Variants in LRTM3 observed in about 807,000 individuals in gnomAD.
The protein encoded by LRTM3 is leucine rich repeat transmembrane protein 3, also known as leucine-rich repeat transmembrane protein 3.
At chr13:102,740,677 T>C in the LRTM3 span, 1 of 1,548,068 alleles carries the variant, frequency 6.5e-7, no homozygotes, top group Middle Eastern at 1.7e-4. Context: ...GTTGCATAGA[T>C]GCATTGAACT....
At chr13:102,746,922 G>T in the LRTM3 span, 2 of 1,551,184 alleles carry the variant, frequency 1.3e-6, no homozygotes, top group East Asian at 4.9e-5. Context: ...TTCTCAGCAT[G>T]AGATAGTTCC....
the LRTM3 span, chr13:102,740,069 A>G: frequency 6.5e-7 from 1 of 1,549,988 alleles, no homozygotes; most frequent in African/African-American, 1.4e-5. Context: ...GGATGCAGAA[A>G]GAGAATGTAA....
the LRTM3 span, among the ~76,000 whole-genome samples, chr13:102,757,418 C>G: frequency 2.0e-5 from 3 of 152,150 alleles, no homozygotes; most frequent in Non-Finnish European, 4.4e-5. Flanking sequence ...TGTGTAACCA[C>G]CAGTAGTGGT....
chr13:102,735,744 C>T, the LRTM3 span: 107 of 1,546,980 alleles, frequency 6.9e-5, no homozygotes, highest in Admixed American at 1.8e-4. Context: ...GCTTTTTTGC[C>T]TGAATCTGAT....
chr13:102,744,954 C>T, the LRTM3 span: 3 of 1,550,708 alleles, frequency 1.9e-6, no homozygotes, highest in South Asian at 2.4e-5. Context: ...CGTTTTATTG[C>T]ACCAGTTAAA....
the LRTM3 span, chr13:102,758,451 A>G: frequency 6.5e-7 from 1 of 1,537,662 alleles, no homozygotes; most frequent in Non-Finnish European, 8.8e-7. Context: ...AATTCTCTGG[A>G]GCTGAATAGG....
chr13:102,739,343 G>T, the LRTM3 span: 1 of 1,549,212 alleles, frequency 6.5e-7, no homozygotes, highest in Non-Finnish European at 8.7e-7. Context: ...AAAACACTTT[G>T]ATTCTATTAC....
the LRTM3 span, chr13:102,739,000 C>T: frequency 6.5e-7 from 1 of 1,550,264 alleles, no homozygotes; most frequent in African/African-American, 1.4e-5. Flanking sequence ...CAATTGGCTG[C>T]TCACATTTTT....
chr13:102,737,648 T>C, the LRTM3 span: 3 of 1,550,566 alleles, frequency 1.9e-6, no homozygotes, highest in Middle Eastern at 1.7e-4. Flanking sequence ...ATGCATTAAG[T>C]CTTTCTCAGC....
the LRTM3 span, chr13:102,732,275 C>T: frequency 1.3e-6 from 2 of 1,551,220 alleles, no homozygotes; most frequent in Non-Finnish European, 1.7e-6. Context: ...GATAAATATT[C>T]CTGAGACATC....
chr13:102,737,812 T>C, the LRTM3 span: 2 of 1,551,072 alleles, frequency 1.3e-6, no homozygotes, highest in South Asian at 1.2e-5. Flanking sequence ...CAGGTCTGAT[T>C]ATTCCTTGTT....
the LRTM3 span, chr13:102,739,232 T>C: frequency 6.4e-7 from 1 of 1,550,468 alleles, no homozygotes; most frequent in Non-Finnish European, 8.7e-7. Flanking sequence ...ATGCAGTAAA[T>C]GTCTAAAAAG....
At chr13:102,758,934 T>A in the LRTM3 span, 4 of 1,465,842 alleles carry the variant, frequency 2.7e-6, no homozygotes, top group Non-Finnish European at 3.7e-6. Flanking sequence ...CTTTGACATT[T>A]TAATGTCATA....
chr13:102,734,656 C>T, the LRTM3 span: 26 of 1,550,974 alleles, frequency 1.7e-5, no homozygotes, highest in Non-Finnish European at 2.2e-5. Flanking sequence ...CAACGACGGA[C>T]TCTCTATGTA....
At chr13:102,729,555 T>G in the LRTM3 span, 4 of 1,517,730 alleles carry the variant, frequency 2.6e-6, no homozygotes, top group South Asian at 5.1e-5. Flanking sequence ...ACTAGGGGAA[T>G]TCTGAAGTTT....
At chr13:102,732,363 T>A in the LRTM3 span, 6 of 1,551,158 alleles carry the variant, frequency 3.9e-6, no homozygotes, top group Non-Finnish European at 4.4e-6. Context: ...CCACGCCCCG[T>A]GATATTAAGC....
chr13:102,732,434 T>C, the LRTM3 span: 1 of 1,551,238 alleles, frequency 6.4e-7, no homozygotes, highest in Non-Finnish European at 8.7e-7. Flanking sequence ...CAATTCTCTT[T>C]TCAGATCTCT....
At chr13:102,734,514 T>C in the LRTM3 span, 637 of 1,551,348 alleles carry the variant, frequency 4.1e-4, 2 homozygotes, top group African/African-American at 7.5e-3. Flanking sequence ...CTGTGGAGCA[T>C]ACAGGAACGA....
At chr13:102,737,977 A>G in the LRTM3 span, 1 of 1,550,602 alleles carries the variant, frequency 6.4e-7, no homozygotes, top group Admixed American at 2.0e-5. Flanking sequence ...GTTGCTCTTC[A>G]ACTTCGTGAT....
Sources: gnomAD v4.1 joint callset for allele counts (sites outside exome capture counted in the v4.1 genomes callset) on GRCh38, gnomAD v4.1.1 for gene constraint, MANE v1.5 for transcripts, NCBI Gene and HGNC (gene_info 2026-07-23, HGNC 2026-07-21) for gene names.